The following PDP1 variants were observed in gnomAD, a reference collection of about 807,000 sequenced individuals.
PDP1 encodes the protein pyruvate dehyrogenase phosphatase catalytic subunit 1.
Under a neutral mutation model 37.1 loss-of-function variants are expected in PDP1, and 14 were observed. The ratio of observed to expected loss-of-function variants is 0.38; its 90% CI spans 0.25 to 0.59. The LOEUF is 0.59. PDP1 is among the 20% of genes least tolerant of loss of function. The pLI is 0.67. For missense variants in PDP1, 544 were observed against 655.3 expected (o/e 0.83, Z 1.85); for synonymous variants, 251 against 243.3 (o/e 1.03, Z -0.29).
Position 93,923,540 on chromosome 8 carries a change from C to T in PDP1, c.1481C>T (p.Thr494Ile), listed in dbSNP as rs776599018. The T allele has an allele frequency of 1.2e-6, 2 of 1,611,406 alleles. No homozygotes were observed. Among genetic ancestry groups the T allele is most frequent in the Admixed American group, 1.7e-5 (1 of 60,000 alleles). The change falls in exon 2 of 2, where the codon ACT becomes ATT. Residue 494 changes from threonine to isoleucine, a missense_variant. Around this residue, in one of 5 missense-constraint regions of PDP1, gnomAD observed 159 missense variants for 165.5 expected, o/e 0.96. Transcript: ENST00000297598. This position sits in a 1 kb window ranked among gnomAD's most constrained non-coding sequence, Gnocchi z 4.3. ...RHAVGNNEFG[T>I]VDHERLSKML... The stretch of plus-strand genomic sequence containing the variant: ...GCTGTGGGCAACAACGAGTTTGGGA[C>T]TGTTGATCATGAGCGCCTCTCTAAA...
At chr8:93,917,969 C>T (rs765190877) in intron 1 of PDP1, 1 of 1,612,778 alleles carries the variant, frequency 6.2e-7, no homozygotes, top group Non-Finnish European at 8.5e-7. Flanking sequence ...TAACTACCTG[C>T]GTTGGGTACC....
chr8:93,919,915 C>T (rs1251694085), intron 1 of PDP1: 3 of 152,210 alleles, frequency 2.0e-5, no homozygotes, highest in African/African-American at 7.2e-5. Context: ...GTCATGTACA[C>T]TTAACCTCTG....
At chr8:93,918,912 A>G (rs1365488873) in intron 1 of PDP1, 1 of 152,268 alleles carries the variant, frequency 6.6e-6, no homozygotes, top group East Asian at 1.9e-4. Context: ...CGATGCGGAT[A>G]GAACGCTCAT....
chr8:93,920,535 TC>T, intron 1 of PDP1: 16 of 944,530 alleles, frequency 1.7e-5, no homozygotes, highest in Non-Finnish European at 2.0e-5. Context: ...GGATTTTTTT[TC>T]TTGCCCAAAT....
At chr8:93,921,228 T>C (rs747925009) in intron 1 of PDP1, 80 of 974,910 alleles carry the variant, frequency 8.2e-5, no homozygotes, top group Non-Finnish European at 2.1e-5. Context: ...CCTTTACAGG[T>C]TAGAAGAGTG....
rs750888943 is a variant in PDP1, at chr8:93,917,899, T to A, written c.-45+820T>A. The A allele has an allele frequency of 1.9e-6, 3 of 1,613,986 alleles. No individual in the cohort carries two copies. In the East Asian group the frequency reaches 6.7e-5, roughly 36 times the overall value. On this transcript the variant is annotated intron_variant, in intron 1 of 1. Coordinates refer to ENST00000297598, the MANE Select transcript of PDP1 (RefSeq NM_018444.4). Reference sequence around the variant, plus strand: ...GGTTGTGGATGTTGTCGGCTCCGTGTTGTGATGACAGGAGAATGTGTGTGT... The same window carrying A: ...GGTTGTGGATGTTGTCGGCTCCGTGATGTGATGACAGGAGAATGTGTGTGT...
chr8:93,921,380 C>T (rs531561110), intron 1 of PDP1: 93 of 966,248 alleles, frequency 9.6e-5, no homozygotes, highest in Non-Finnish European at 1.1e-4. Context: ...GAGAGAAATA[C>T]TGGAATTTCT....
In PDP1 at chr8:93,922,251, G is replaced by C. The variant is rs1180557441; in HGVS notation, c.192G>C (p.Gln64His). ...TFCRPKENWWQYTQGRRYAST... is the reference protein window; with the variant it reads ...TFCRPKENWWHYTQGRRYAST... Reference sequence around the variant, plus strand: ...GCAGGCCAAAGGAGAACTGGTGGCAGTACACCCAAGGAAGGAGATATGCTT... The same window carrying C: ...GCAGGCCAAAGGAGAACTGGTGGCACTACACCCAAGGAAGGAGATATGCTT... Residue 64 changes from glutamine (Q) to histidine (H), a missense_variant, in exon 2 of 2, where the codon CAG (glutamine) becomes CAC (histidine). Coordinates refer to ENST00000297598, the MANE Select transcript of PDP1 (RefSeq NM_018444.4). The surrounding 1 kb of genome is among the most constrained non-coding windows in gnomAD (Gnocchi z 4.0). 2 of 1,614,212 alleles carry C rather than the reference G, an allele frequency of 1.2e-6. No homozygotes were observed.
chr8:93,917,638 T>A (rs373312221), intron 1 of PDP1: 33 of 602,380 alleles, frequency 5.5e-5, no homozygotes, highest in Non-Finnish European at 8.5e-5. Flanking sequence ...CCCCGCTGCC[T>A]TGGGCTGTGG....
At chr8:93,920,459 C>T in intron 1 of PDP1, 2 of 767,688 alleles carry the variant, frequency 2.6e-6, no homozygotes, top group Non-Finnish European at 3.2e-6. Context: ...CTTTATAGTA[C>T]AAATGACTAT....
rs370143029 is a variant in PDP1, at chr8:93,923,026, G to A, written c.967G>A (p.Glu323Lys). The part of the protein sequence containing the change: ...DHNAQNEREL[E>K]RLKLEHPKSE... ...CAATGCTCAAAATGAAAGAGAACTA[G>A]AACGGCTGAAATTGGAACATCCAAA... Residue 323 changes from glutamate (E) to lysine (K), a missense_variant, in exon 2 of 2, where the codon GAA becomes AAA. By Grantham distance (56) the Glu-to-Lys change is moderately conservative. Transcript: ENST00000297598. The surrounding 1 kb of genome is among the most constrained non-coding windows in gnomAD (Gnocchi z 4.3). 38 of 1,614,080 alleles carry A rather than the reference G, an allele frequency of 2.4e-5. No individual in the cohort carries two copies. Among genetic ancestry groups the A allele is most frequent in the Non-Finnish European group, 3.1e-5 (36 of 1,180,052 alleles).
chr8:93,920,263 C>A (rs1346019407), intron 1 of PDP1, among the ~76,000 whole-genome samples: 1 of 152,116 alleles, frequency 6.6e-6, no homozygotes, highest in Non-Finnish European at 1.5e-5. Context: ...TCCCTCTACC[C>A]CAATTTATTA....
At chr8:93,920,439 C>T (rs1810233392) in intron 1 of PDP1, 1 of 562,506 alleles carries the variant, frequency 1.8e-6, no homozygotes. Flanking sequence ...AAAGTATTTC[C>T]AAAGTGTTTC....
Position 93,922,725 on chromosome 8 carries a change from C to G in PDP1, c.666C>G (p.Leu222=), listed in dbSNP as rs1390854082. 1 of 1,614,006 alleles carries G rather than the reference C, an allele frequency of 6.2e-7. No individual in the cohort carries two copies. The highest frequency in any genetic ancestry group is 2.2e-5 in the East Asian group (1 of 44,894). ...LRTYWQELID[L]NTGESTDIDV... ...CTTACTGGCAAGAGCTTATAGACCT[C>G]AACACTGGTGAGTCGACTGATATTG... The change falls in exon 2 of 2, where the codon CTC becomes CTG. Residue 222 remains leucine, a synonymous_variant. Transcript: ENST00000297598. This position sits in a 1 kb window ranked among gnomAD's most constrained non-coding sequence, Gnocchi z 4.0.
rs1810419154 is a variant in PDP1, at chr8:93,925,905, C to G, written c.*2232C>G. On this transcript the variant is annotated 3_prime_UTR_variant, in exon 2 of 2. Coordinates refer to ENST00000297598, the MANE Select transcript of PDP1 (RefSeq NM_018444.4). ...AATCAGTGGTTCATGTTATATAATA[C>G]ACCCTTAACTAGTTAAATGGAATGT... 1 of 166,944 alleles carries G rather than the reference C, an allele frequency of 6.0e-6. No homozygotes were observed. The highest frequency in any genetic ancestry group is 6.5e-5 in the Admixed American group (1 of 15,280). The allele number at this position is 166,944 out of a possible 1,614,324, so 10.3% of individuals were successfully genotyped here. A position where few individuals can be genotyped will look rare whatever the true frequency, so the allele number is the denominator to read the frequency against.
intron 1 of PDP1, chr8:93,920,464 G>A (rs1365948763): frequency 7.4e-6 from 6 of 810,474 alleles, no homozygotes; most frequent in Non-Finnish European, 8.9e-6. Flanking sequence ...TAGTACAAAT[G>A]ACTATTTTGA....
intron 1 of PDP1, chr8:93,917,921 G>T (rs1420280254): frequency 6.2e-7 from 1 of 1,614,018 alleles, no homozygotes. Flanking sequence ...GAGAATGTGT[G>T]TGTGTCCCGG....
At chr8:93,917,577 C>G (rs1323128774) in intron 1 of PDP1, among the ~76,000 whole-genome samples, 1 of 152,080 alleles carries the variant, frequency 6.6e-6, no homozygotes, top group African/African-American at 2.4e-5. Flanking sequence ...CTTCGCGCCC[C>G]GGCTGGATGG....
At chr8:93,917,838 T>C in intron 1 of PDP1, 1 of 1,610,274 alleles carries the variant, frequency 6.2e-7, no homozygotes, top group Non-Finnish European at 8.5e-7. Flanking sequence ...TTGCTTTCAA[T>C]GGGCCGGTGC....
Sources: gnomAD v4.1 joint callset for allele counts (sites outside exome capture counted in the v4.1 genomes callset) on GRCh38, gnomAD v4.1.1 for gene constraint, gnomAD v4.1.1 regional missense constraint, Gnocchi (gnomAD v3.1) non-coding constraint, MANE v1.5 for transcripts, NCBI Gene and HGNC (gene_info 2026-07-23, HGNC 2026-07-21) for gene names.